The following ADGRL3 variants were observed in gnomAD, a reference collection of about 807,000 sequenced individuals.
ADGRL3 encodes the protein calcium-independent alpha-latrotoxin receptor 3.
Under a neutral mutation model 153.5 loss-of-function variants are expected in ADGRL3, and 62 were observed. The observed-to-expected ratio is 0.40, with a 90% confidence interval of 0.33 to 0.50. The LOEUF (loss-of-function observed/expected upper bound fraction) is 0.50. ADGRL3 is among the 20% of genes least tolerant of loss of function. ADGRL3 has a pLI of 0.47. For synonymous variants in ADGRL3, 710 were observed against 672.5 expected, an observed-to-expected ratio of 1.06 and a Z score of -0.86; for missense variants, 1,641 against 1,859.4, an observed-to-expected ratio of 0.88 and a Z score of 2.16.
intron 2 of ADGRL3, among the ~76,000 whole-genome samples, chr4:61,453,779 C>CAT (rs1226194506): frequency 1.3e-5 from 2 of 152,178 alleles, no homozygotes; most frequent in East Asian, 3.9e-4. Flanking sequence ...CCATTTCTTA[C>CAT]ATAAAAGACA....
intron 2 of ADGRL3, among the ~76,000 whole-genome samples, chr4:61,431,105 A>G (rs774675514): frequency 4.6e-5 from 7 of 152,324 alleles, no homozygotes; most frequent in Admixed American, 1.3e-4. Context: ...ATTTCTTATT[A>G]TAACCATGAT....
chr4:62,011,283 G>A (rs975049742), intron 21 of ADGRL3, among the ~76,000 whole-genome samples: 2 of 152,078 alleles, frequency 1.3e-5, no homozygotes, highest in Non-Finnish European at 2.9e-5. Flanking sequence ...GGAGACTCAA[G>A]GAACACAATT....
rs2151944553 is a variant in ADGRL3 at position 62,073,440 on chromosome 4, T to C, written c.*2532T>C. The C allele has an allele frequency of 6.6e-6, 1 of 152,248 alleles. No homozygotes were observed. The highest frequency in any genetic ancestry group is 2.1e-4 in the South Asian group (1 of 4,828). 9.4% of individuals were successfully genotyped at this position (152,248 alleles called of 1,614,324 possible). Reference sequence around the variant, plus strand: ...TAACCCACCCGATACATAGAATACATTTGGCAATAAAAGAATCCTTTTTAG... The same window carrying C: ...TAACCCACCCGATACATAGAATACACTTGGCAATAAAAGAATCCTTTTTAG... On this transcript the variant is annotated 3_prime_UTR_variant, in exon 27 of 27. Coordinates refer to ENST00000683033, the MANE Select transcript of ADGRL3 (RefSeq NM_001387552.1).
chr4:62,032,985 A>T (rs926732976), intron 23 of ADGRL3, among the ~76,000 whole-genome samples: 2 of 151,836 alleles, frequency 1.3e-5, no homozygotes, highest in African/African-American at 4.8e-5. Context: ...CAGGATATTT[A>T]AAAAAATAAA....
At chr4:61,569,133 A>G (rs189795067) in intron 4 of ADGRL3, among the ~76,000 whole-genome samples, 50 of 152,270 alleles carry the variant, frequency 3.3e-4, no homozygotes, top group Admixed American at 3.1e-3. Context: ...TTTCTTAGCT[A>G]TAAAGTCATG....
chr4:61,764,834 G>A (rs901331195), intron 8 of ADGRL3, among the ~76,000 whole-genome samples: 5 of 151,756 alleles, frequency 3.3e-5, no homozygotes, highest in Non-Finnish European at 7.4e-5. Flanking sequence ...TAGGGGCGGC[G>A]TGGGAACCTA....
At chr4:62,069,440 G>A (rs552365351) in intron 26 of ADGRL3, among the ~76,000 whole-genome samples, 31 of 151,938 alleles carry the variant, frequency 2.0e-4, no homozygotes, top group Non-Finnish European at 2.2e-4. Flanking sequence ...CTTTTGTTTC[G>A]AAAATTCCTC....
chr4:61,929,072 TG>T (rs1393238775), intron 13 of ADGRL3, among the ~76,000 whole-genome samples: 6 of 152,164 alleles, frequency 3.9e-5, no homozygotes. Flanking sequence ...TTCTGTGGTC[TG>T]ACTGCTTGTG....
At chr4:61,887,748 G>A (rs1046020514) in intron 9 of ADGRL3, among the ~76,000 whole-genome samples, 1 of 152,134 alleles carries the variant, frequency 6.6e-6, no homozygotes. Context: ...AGGAGGCTGA[G>A]GCAGGAGAAT....
At chr4:61,941,149 T>G (rs1428477336) in intron 15 of ADGRL3, among the ~76,000 whole-genome samples, 1 of 79,886 alleles carries the variant, frequency 1.3e-5, no homozygotes, top group Non-Finnish European at 2.3e-5. Flanking sequence ...TTTCTACATA[T>G]GGCTAGCCAG....
chr4:61,695,926 G>C (rs564526899), intron 6 of ADGRL3, among the ~76,000 whole-genome samples: 1 of 152,128 alleles, frequency 6.6e-6, no homozygotes, highest in Non-Finnish European at 1.5e-5. Context: ...ACCAATGTCT[G>C]CTAGCTTCCA....
chr4:61,293,468 GTACTT>G (rs1425853182), intron 1 of ADGRL3, among the ~76,000 whole-genome samples: 38 of 152,164 alleles, frequency 2.5e-4, no homozygotes, highest in Admixed American at 1.3e-3. Context: ...TATCAAAACT[GTACTT>G]TAACTGTAAA....
intron 25 of ADGRL3, among the ~76,000 whole-genome samples, chr4:62,050,697 A>G (rs1404618537): frequency 6.6e-6 from 1 of 152,058 alleles, no homozygotes; most frequent in Admixed American, 6.6e-5. Context: ...CATTCACTGT[A>G]GTTTATTAAT....
At chr4:61,507,064 C>G (rs985792301) in intron 3 of ADGRL3, among the ~76,000 whole-genome samples, 4 of 152,262 alleles carry the variant, frequency 2.6e-5, no homozygotes, top group Non-Finnish European at 4.4e-5. Flanking sequence ...TAGATCAGAA[C>G]TAATCTTTAG....
At chr4:62,041,600 A>G (rs2151638930) in intron 24 of ADGRL3, among the ~76,000 whole-genome samples, 1 of 152,190 alleles carries the variant, frequency 6.6e-6, no homozygotes, top group South Asian at 2.1e-4. Context: ...CTTCCTCCAG[A>G]AAGGCTCCTA....
At chr4:61,814,329 A>T (rs2097664504) in intron 9 of ADGRL3, among the ~76,000 whole-genome samples, 1 of 151,936 alleles carries the variant, frequency 6.6e-6, no homozygotes, top group Non-Finnish European at 1.5e-5. Context: ...ATTTTATATT[A>T]ACATCATTTA....
intron 1 of ADGRL3, among the ~76,000 whole-genome samples, chr4:61,286,106 G>T (rs1447792133): frequency 6.6e-6 from 1 of 151,098 alleles, no homozygotes; most frequent in Non-Finnish European, 1.5e-5. Flanking sequence ...AAAATATTTT[G>T]ATTTATTCTG....
intron 2 of ADGRL3, among the ~76,000 whole-genome samples, chr4:61,471,933 T>C (rs1370616188): frequency 6.6e-6 from 1 of 152,072 alleles, no homozygotes; most frequent in Non-Finnish European, 1.5e-5. Context: ...AATACGATTA[T>C]TTATTACAAT....
chr4:61,707,591 G>T (rs2095877425), intron 6 of ADGRL3, among the ~76,000 whole-genome samples: 1 of 151,942 alleles, frequency 6.6e-6, no homozygotes. Flanking sequence ...GGTTATGTTA[G>T]ATTAATTTTG....
Sources: allele counts gnomAD v4.1 joint callset (sites outside exome capture counted in the v4.1 genomes callset), GRCh38; gene constraint gnomAD v4.1.1; transcripts MANE v1.5; gene names NCBI Gene and HGNC (gene_info 2026-07-23, HGNC 2026-07-21).